The following NKAIN3 variants were observed in gnomAD, a reference collection of about 807,000 sequenced individuals.
NKAIN3 encodes the protein sodium/potassium-transporting ATPase subunit beta-1-interacting protein 3.
NKAIN3 carries 25 observed loss-of-function variants against 30.2 expected under a neutral mutation model. The ratio of observed to expected loss-of-function variants is 0.83; its 90% CI spans 0.60 to 1.16. The LOEUF is 1.16. NKAIN3 is among the 50% of genes most tolerant of loss of function. The pLI is 0.00. For missense variants in NKAIN3, 225 were observed against 254.1 expected, an observed-to-expected ratio of 0.89 and a Z score of 0.78; for synonymous variants, 91 against 89.6, an observed-to-expected ratio of 1.02 and a Z score of -0.09.
chr8:62,429,273 G>T (rs1258625653), intron 1 of NKAIN3, among the ~76,000 whole-genome samples: 1 of 151,710 alleles, frequency 6.6e-6, no homozygotes, highest in East Asian at 1.9e-4. Flanking sequence ...TTGTTTTGAG[G>T]TATATTTCTT....
intron 4 of NKAIN3, among the ~76,000 whole-genome samples, chr8:62,913,125 A>G (rs1354024529): frequency 2.0e-5 from 3 of 146,714 alleles, no homozygotes; most frequent in Non-Finnish European, 4.5e-5. Flanking sequence ...TTCTGAAGGA[A>G]CTGCCTGAGG....
chr8:62,906,977 A>G (rs1212316015), intron 4 of NKAIN3, among the ~76,000 whole-genome samples: 2 of 152,200 alleles, frequency 1.3e-5, no homozygotes, highest in African/African-American at 4.8e-5. Context: ...CGAAGGGCTC[A>G]GAAGACAGGA....
chr8:62,890,637 T>C (rs995000620), intron 4 of NKAIN3, among the ~76,000 whole-genome samples: 3 of 152,196 alleles, frequency 2.0e-5, no homozygotes, highest in Non-Finnish European at 4.4e-5. Flanking sequence ...TGAGTTTTCA[T>C]CTCTTCCACC....
intron 4 of NKAIN3, among the ~76,000 whole-genome samples, chr8:62,916,896 T>A (rs964744911): frequency 6.6e-6 from 1 of 152,116 alleles, no homozygotes; most frequent in Non-Finnish European, 1.5e-5. Context: ...CACACGCTCA[T>A]GCTTCTTCTT....
intron 3 of NKAIN3, among the ~76,000 whole-genome samples, chr8:62,621,955 T>A (rs1811628611): frequency 6.6e-6 from 1 of 152,104 alleles, no homozygotes; most frequent in African/African-American, 2.4e-5. Context: ...ACATAATTTC[T>A]TGCCATTCCA....
At chr8:62,319,839 C>T (rs1395021644) in intron 1 of NKAIN3, among the ~76,000 whole-genome samples, 3 of 152,094 alleles carry the variant, frequency 2.0e-5, no homozygotes, top group Non-Finnish European at 2.9e-5. Context: ...CTGTAGATGT[C>T]TATTAGGTCT....
intron 3 of NKAIN3, among the ~76,000 whole-genome samples, chr8:62,638,693 C>CA (rs1386428101): frequency 6.6e-6 from 1 of 151,970 alleles, no homozygotes; most frequent in African/African-American, 2.4e-5. Flanking sequence ...TTAATACTTA[C>CA]AAAAAAAGCC....
chr8:62,675,342 A>T (rs1271161383), intron 3 of NKAIN3, among the ~76,000 whole-genome samples: 1 of 152,216 alleles, frequency 6.6e-6, no homozygotes, highest in East Asian at 1.9e-4. Context: ...AATCACTATG[A>T]TAGGTATTCA....
intron 5 of NKAIN3, among the ~76,000 whole-genome samples, chr8:62,925,213 C>G (rs932686522): frequency 1.3e-5 from 2 of 152,022 alleles, no homozygotes; most frequent in Admixed American, 1.3e-4. Context: ...TCTTACCTAC[C>G]GTAGAATCTC....
chr8:62,407,798 G>A (rs1303517012), intron 1 of NKAIN3, among the ~76,000 whole-genome samples: 2 of 152,204 alleles, frequency 1.3e-5, no homozygotes, highest in Non-Finnish European at 2.9e-5. Flanking sequence ...TTAGGATGAT[G>A]ACGTGGGAGG....
chr8:62,694,425 C>A (rs1195381252), intron 3 of NKAIN3, among the ~76,000 whole-genome samples: 1 of 152,180 alleles, frequency 6.6e-6, no homozygotes, highest in Non-Finnish European at 1.5e-5. Flanking sequence ...AACTAGAGAT[C>A]ATTGTGTTAA....
chr8:62,843,253 C>T (rs1277522711), intron 4 of NKAIN3, among the ~76,000 whole-genome samples: 9 of 151,582 alleles, frequency 5.9e-5, no homozygotes, highest in African/African-American at 1.9e-4. Context: ...AATGGATTGT[C>T]CCCTAGAGAC....
intron 4 of NKAIN3, among the ~76,000 whole-genome samples, chr8:62,755,422 T>C (rs374706304): frequency 5.3e-5 from 8 of 152,350 alleles, no homozygotes; most frequent in African/African-American, 1.4e-4. Flanking sequence ...GGCAAATAGT[T>C]AAAAATGTTT....
chr8:62,522,103 G>GTTAGATCTCATCATATTCACATATAAAA (rs1808177446), intron 1 of NKAIN3, among the ~76,000 whole-genome samples: 1 of 152,070 alleles, frequency 6.6e-6, no homozygotes, highest in South Asian at 2.1e-4. Flanking sequence ...TTTCTCTGAG[G>GTTAGATCTCATCATATTCACATATAAAA]TTAGATCTCA....
chr8:62,917,383 C>T (rs755569431), intron 4 of NKAIN3, among the ~76,000 whole-genome samples: 1 of 152,200 alleles, frequency 6.6e-6, no homozygotes. Flanking sequence ...ACCATCAGCA[C>T]CCTGGCAGAT....
chr8:62,458,097 TAGAC>T (rs959835809), intron 1 of NKAIN3, among the ~76,000 whole-genome samples: 4 of 152,188 alleles, frequency 2.6e-5, no homozygotes, highest in Non-Finnish European at 4.4e-5. Context: ...AGCATCATAA[TAGAC>T]AGCTCAAAGC....
chr8:62,554,848 C>T (rs1809333755), intron 1 of NKAIN3, among the ~76,000 whole-genome samples: 1 of 152,114 alleles, frequency 6.6e-6, no homozygotes, highest in African/African-American at 2.4e-5. Flanking sequence ...ACCCCACTTC[C>T]ACCCCTGATA....
At chr8:62,271,243 A>G (rs1049442903) in intron 1 of NKAIN3, among the ~76,000 whole-genome samples, 2 of 152,248 alleles carry the variant, frequency 1.3e-5, no homozygotes, top group African/African-American at 4.8e-5. Context: ...CATGACAACA[A>G]GATAGGACCA....
At chr8:62,863,961 T>G in intron 4 of NKAIN3, 1 of 842,240 alleles carries the variant, frequency 1.2e-6, no homozygotes, top group Non-Finnish European at 2.1e-6. Flanking sequence ...GTGGTGGTGG[T>G]GGAGGTGGAG....
Sources: gnomAD v4.1 joint callset for allele counts (sites outside exome capture counted in the v4.1 genomes callset) on GRCh38, gnomAD v4.1.1 for gene constraint, MANE v1.5 for transcripts, NCBI Gene and HGNC (gene_info 2026-07-23, HGNC 2026-07-21) for gene names.